Variants in PRR16 observed in about 807,000 individuals in gnomAD.
PRR16 encodes the protein proline rich 16.
PRR16 carries 6 observed loss-of-function variants against 18.2 expected under a neutral mutation model. The ratio of observed to expected loss-of-function variants is 0.33; its 90% CI spans 0.18 to 0.65. The LOEUF is 0.65. PRR16 is among the 30% of genes least tolerant of loss of function. PRR16 has a pLI of 0.74. For synonymous variants in PRR16, 151 were observed against 147.8 expected (o/e 1.02, Z -0.16); for missense variants, 412 against 376.6 (o/e 1.09, Z -0.78).
intron 1 of PRR16, among the ~76,000 whole-genome samples, chr5:120,643,412 A>G (rs10077623): frequency 0.058 from 8,844 of 152,248 alleles, 310 homozygotes; most frequent in South Asian, 0.083. Flanking sequence ...AGTTTAGCTT[A>G]CATTCCAGTA....
the PRR16 span, among the ~76,000 whole-genome samples, chr5:120,730,982 A>G: frequency 2.0e-4 from 30 of 152,140 alleles, no homozygotes; most frequent in South Asian, 6.2e-4. Context: ...TTGGTCATCT[A>G]TGAATATTGA....
At chr5:120,573,650 A>G (rs949422399) in intron 1 of PRR16, among the ~76,000 whole-genome samples, 5 of 152,174 alleles carry the variant, frequency 3.3e-5, no homozygotes, top group East Asian at 1.9e-4. Flanking sequence ...GACAACAATG[A>G]TAAATAAAAT....
intron 1 of PRR16, among the ~76,000 whole-genome samples, chr5:120,670,399 C>T (rs1324952675): frequency 2.0e-5 from 3 of 151,952 alleles, no homozygotes. Flanking sequence ...AATCTCTTGG[C>T]AGATTTAAAT....
the PRR16 span, among the ~76,000 whole-genome samples, chr5:120,748,184 A>G: frequency 6.6e-6 from 1 of 152,100 alleles, no homozygotes; most frequent in Non-Finnish European, 1.5e-5. Context: ...GAAATAGGAA[A>G]CTAAGTTGCT....
chr5:120,694,993 A>G, the PRR16 span, among the ~76,000 whole-genome samples: 1 of 152,234 alleles, frequency 6.6e-6, no homozygotes, highest in Non-Finnish European at 1.5e-5. Context: ...ATTTGAATAC[A>G]TATTTCAGTG....
chr5:120,576,718 C>A (rs1258836744), intron 1 of PRR16, among the ~76,000 whole-genome samples: 1 of 152,088 alleles, frequency 6.6e-6, no homozygotes, highest in African/African-American at 2.4e-5. Flanking sequence ...GATATCAGAT[C>A]TTCCTAAGTT....
chr5:120,665,703 A>T (rs1359182189), intron 1 of PRR16, among the ~76,000 whole-genome samples: 34 of 152,184 alleles, frequency 2.2e-4, no homozygotes, highest in Admixed American at 2.2e-3. Context: ...AGCACCATTT[A>T]TTAAATAGGG....
At chr5:120,755,202 TTAAAAAAAATC>T in the PRR16 span, among the ~76,000 whole-genome samples, 1 of 151,680 alleles carries the variant, frequency 6.6e-6, no homozygotes, top group Non-Finnish European at 1.5e-5. Flanking sequence ...ATAATAAAAT[TTAAAAAAAATC>T]TAAAAAAAAT....
chr5:120,525,750 T>C (rs1290566792), intron 1 of PRR16, among the ~76,000 whole-genome samples: 2 of 152,066 alleles, frequency 1.3e-5, no homozygotes, highest in Non-Finnish European at 2.9e-5. Flanking sequence ...AACATGTCAG[T>C]GCTTAAAAGT....
At chr5:120,558,505 C>T (rs1015195886) in intron 1 of PRR16, among the ~76,000 whole-genome samples, 1 of 151,888 alleles carries the variant, frequency 6.6e-6, no homozygotes, top group Non-Finnish European at 1.5e-5. Context: ...TTAAATAGTA[C>T]TCCGTTGTGT....
intron 1 of PRR16, among the ~76,000 whole-genome samples, chr5:120,682,881 G>A (rs909519743): frequency 4.6e-5 from 7 of 152,048 alleles, no homozygotes; most frequent in Admixed American, 1.3e-4. Flanking sequence ...AATAACCCTC[G>A]GAGCATTTAC....
chr5:120,554,586 C>G (rs1752353548), intron 1 of PRR16, among the ~76,000 whole-genome samples: 1 of 151,878 alleles, frequency 6.6e-6, no homozygotes, highest in Admixed American at 6.6e-5. Flanking sequence ...TGAATGGGGA[C>G]AAGGCTGGTC....
chr5:120,672,373 G>T (rs1357322949), intron 1 of PRR16, among the ~76,000 whole-genome samples: 2 of 151,678 alleles, frequency 1.3e-5, no homozygotes, highest in Non-Finnish European at 2.9e-5. Context: ...AGCACTAAGA[G>T]AAGTGAAAAG....
At chr5:120,650,808 A>G (rs1755756334) in intron 1 of PRR16, among the ~76,000 whole-genome samples, 1 of 152,130 alleles carries the variant, frequency 6.6e-6, no homozygotes, top group Admixed American at 6.5e-5. Flanking sequence ...GTGTCTTTAT[A>G]GCAGCATGAT....
At chr5:120,488,247 G>A (rs564343179) in intron 1 of PRR16, among the ~76,000 whole-genome samples, 2 of 152,116 alleles carry the variant, frequency 1.3e-5, no homozygotes, top group South Asian at 4.1e-4. Context: ...TTGTACCTCT[G>A]GTAGAATTCG....
chr5:120,527,513 A>G (rs1035819431), intron 1 of PRR16, among the ~76,000 whole-genome samples: 1 of 152,208 alleles, frequency 6.6e-6, no homozygotes, highest in African/African-American at 2.4e-5. Flanking sequence ...TCAAATTAAC[A>G]CGCCAGCAAG....
chr5:120,780,109 G>GT, the PRR16 span, among the ~76,000 whole-genome samples: 1 of 152,112 alleles, frequency 6.6e-6, no homozygotes, highest in African/African-American at 2.4e-5. Context: ...GGAAAACTGA[G>GT]TCTCAAAAAC....
chr5:120,559,436 T>C (rs1387586393), intron 1 of PRR16, among the ~76,000 whole-genome samples: 1 of 151,932 alleles, frequency 6.6e-6, no homozygotes, highest in African/African-American at 2.4e-5. Context: ...TGTATATCCT[T>C]GGTACCTTTG....
the PRR16 span, among the ~76,000 whole-genome samples, chr5:120,752,253 G>A: frequency 1.1e-4 from 17 of 152,098 alleles, no homozygotes; most frequent in Admixed American, 2.0e-4. Context: ...GACAAGAGAA[G>A]ACCCATGTGA....
Sources: gnomAD v4.1 joint callset for allele counts (sites outside exome capture counted in the v4.1 genomes callset) on GRCh38, gnomAD v4.1.1 for gene constraint, MANE v1.5 for transcripts, NCBI Gene and HGNC (gene_info 2026-07-23, HGNC 2026-07-21) for gene names.